The following AKNAD1 variants were observed in gnomAD, a reference collection of about 807,000 sequenced individuals.
AKNAD1 encodes protein AKNAD1.
In AKNAD1, 67 loss-of-function variants were observed where a neutral mutation model predicts 90.8. That is an observed-to-expected ratio of 0.74 (90% confidence interval 0.61 to 0.90). AKNAD1 has a LOEUF of 0.90. Ranked by LOEUF, AKNAD1 falls within the 40% of genes least tolerant of loss-of-function variation. The pLI is 0.00. For synonymous variants in AKNAD1, 327 were observed against 341.4 expected (o/e 0.96, Z 0.46); for missense variants, 957 against 975.4 (o/e 0.98, Z 0.25).
intron 13 of AKNAD1, among the ~76,000 whole-genome samples, chr1:108,822,804 G>T (rs1365522761): frequency 6.6e-6 from 1 of 152,102 alleles, no homozygotes; most frequent in Admixed American, 6.5e-5. Flanking sequence ...ACCCCATTTT[G>T]CTTTGAGCTC....
chr1:108,816,575 C>A lies in AKNAD1; in HGVS notation c.2380-273G>T, dbSNP rs1285955964. Among the ~76,000 whole-genome samples the A allele has an allele frequency of 3.9e-5, 6 of 152,134 alleles. No individual in the cohort carries two copies. In the East Asian group the frequency reaches 5.8e-4, roughly 15 times the overall value. Reference sequence around the variant, plus strand: ...AGCCGCCAGCTGGGCTGTTTCCCTGCCGCAGAGAAAGAGAAAAAAAGAACA... The same window carrying A: ...AGCCGCCAGCTGGGCTGTTTCCCTGACGCAGAGAAAGAGAAAAAAAGAACA... On this transcript the variant is annotated intron_variant, in intron 15 of 15. Coordinates refer to ENST00000370001, the MANE Select transcript of AKNAD1 (RefSeq NM_152763.5).
intron 5 of AKNAD1, among the ~76,000 whole-genome samples, chr1:108,847,448 A>C (rs1461952179): frequency 7.0e-6 from 1 of 143,370 alleles, no homozygotes; most frequent in Middle Eastern, 3.4e-3. Context: ...ACCGTGTCTC[A>C]AAAAAAAAAA....
chr1:108,838,994 T>C (rs555952727), intron 6 of AKNAD1, among the ~76,000 whole-genome samples: 2 of 152,330 alleles, frequency 1.3e-5, no homozygotes, highest in South Asian at 2.1e-4. Flanking sequence ...TTAATTTTTA[T>C]GTATTACATA....
At chr1:108,852,899 A>C in intron 1 of AKNAD1, 132 bp from the exon 2 acceptor site, 4 of 363,810 alleles carry the variant, frequency 1.1e-5, no homozygotes, top group South Asian at 1.4e-4. Context: ...CTCAACCACA[A>C]GCTGACCCAA....
chr1:108,829,388 C>G (rs919476502), intron 10 of AKNAD1, among the ~76,000 whole-genome samples: 1 of 152,184 alleles, frequency 6.6e-6, no homozygotes, highest in African/African-American at 2.4e-5. Context: ...ACCTTGAGTG[C>G]TTAATAAAAA....
At position 108,834,466 on chromosome 1, in the gene AKNAD1, C is replaced by A; in HGVS notation, c.1727G>T (p.Arg576Met). The change falls in exon 9 of 16, where the codon AGG becomes ATG. Residue 576 changes from arginine to methionine, a missense_variant. Coordinates refer to ENST00000370001, the MANE Select transcript of AKNAD1 (RefSeq NM_152763.5). ...CATTACCCCAGAGTTAGAAGACAGC[C>A]TCATGGCCACTTGGTCTGGCTTGTT... ...AQNKPDQVAM[R>M]LSSNSGEDPN... 6.2e-7 allele frequency: 1 copy of A among 1,611,036 alleles called. No homozygotes were observed. Among genetic ancestry groups the A allele is most frequent in the Admixed American group, 1.7e-5 (1 of 59,670 alleles).
intron 11 of AKNAD1, among the ~76,000 whole-genome samples, chr1:108,824,549 G>A (rs1054308073): frequency 2.6e-5 from 4 of 151,672 alleles, no homozygotes; most frequent in African/African-American, 9.7e-5. Context: ...GCCCAGGGTT[G>A]AAGCCTGGCT....
chr1:108,851,513 TGA>T (rs1664861536), intron 2 of AKNAD1, among the ~76,000 whole-genome samples, 157 bp downstream of exon 2: 1 of 152,178 alleles, frequency 6.6e-6, no homozygotes, highest in African/African-American at 2.4e-5. Context: ...GTGAGGACAC[TGA>T]GAGTCGGAGT....
intron 1 of AKNAD1, among the ~76,000 whole-genome samples, chr1:108,856,034 T>G (rs67425757): frequency 0.12 from 18,711 of 151,688 alleles, 1,264 homozygotes; most frequent in Middle Eastern, 0.16. Context: ...AATTTTTTTT[T>G]TAGAGATGGA....
intron 7 of AKNAD1, among the ~76,000 whole-genome samples, chr1:108,836,073 A>G (rs1446566979): frequency 1.3e-5 from 2 of 152,250 alleles, no homozygotes; most frequent in Non-Finnish European, 2.9e-5. Flanking sequence ...TGCCAGCACT[A>G]GACTCTTTCC....
rs763550285 is a variant in AKNAD1, at chr1:108,851,935, C to A, written c.730G>T (p.Gly244Cys). The A allele has an allele frequency of 3.1e-6, 5 of 1,614,056 alleles. No individual in the cohort carries two copies. ...CCTTGGCCGTATTTGAACGTGTTGCCTGAATTTGCTTTTTCAGTCTGCTGT... is the reference window on the plus strand; with the variant it reads ...CCTTGGCCGTATTTGAACGTGTTGCATGAATTTGCTTTTTCAGTCTGCTGT... ...QKQQTEKANS[G>C]NTFKYGQGQV... is the part of the protein sequence containing the mutation. Residue 244 changes from glycine (G) to cysteine (C), a missense_variant, in exon 2 of 16, where the codon GGC becomes TGC. Physicochemically the swap from Gly to Cys is radical, Grantham distance 159 (BLOSUM62 -3). Coordinates refer to ENST00000370001, the MANE Select transcript of AKNAD1 (RefSeq NM_152763.5).
At chr1:108,856,690 A>G (rs951826697) in intron 1 of AKNAD1, among the ~76,000 whole-genome samples, 2 of 149,424 alleles carry the variant, frequency 1.3e-5, no homozygotes, top group African/African-American at 4.9e-5. Context: ...TGGGTGACAG[A>G]GCAAGACCCT....
intron 3 of AKNAD1, 142 bp from the exon 4 acceptor site, chr1:108,849,202 C>G: frequency 1.3e-6 from 1 of 778,940 alleles, no homozygotes; most frequent in South Asian, 2.3e-5. Context: ...TTATCTAGGC[C>G]AGGCACAGTG....
chr1:108,838,818 T>C (rs1364335159), intron 6 of AKNAD1, among the ~76,000 whole-genome samples: 1 of 151,962 alleles, frequency 6.6e-6, no homozygotes, highest in Admixed American at 6.6e-5. Context: ...TCTAGAATAA[T>C]ATAAATTATT....
intron 14 of AKNAD1, chr1:108,817,497 A>ATTTTTTTTTTTTTTTTTT (rs10681740): frequency 5.0e-5 from 3 of 60,342 alleles, no homozygotes; most frequent in African/African-American, 6.8e-5. Flanking sequence ...TTTTTTTTTA[A>ATTTTTTTTTTTTTTTTTT]TTTTTTTTTT....
chr1:108,843,088 G>C (rs954520391), intron 6 of AKNAD1, 46 bp downstream of exon 6: 1 of 1,598,642 alleles, frequency 6.3e-7, no homozygotes, highest in African/African-American at 1.3e-5. Context: ...ACCTGAAGGA[G>C]ATCACCTTTG....
chr1:108,816,054 G>C lies in AKNAD1; in HGVS notation c.*117C>G. The stretch of plus-strand genomic sequence containing the variant: ...GTGTTACCCATTTCTTATGGTTTCT[G>C]TGTTTTCTCTAGAAAGTCATCTTCC... On this transcript the variant is annotated 3_prime_UTR_variant, in exon 16 of 16. Transcript: ENST00000370001. 9.0e-7 allele frequency: 1 copy of C among 1,110,950 alleles called. No homozygotes were observed. Among genetic ancestry groups the C allele is most frequent in the East Asian group, 2.7e-5 (1 of 36,650 alleles). The allele number at this position is 1,110,950 out of a possible 1,614,324, so 68.8% of individuals were successfully genotyped here.
At position 108,834,989 on chromosome 1, in the gene AKNAD1, G is replaced by A; in HGVS notation, c.1604C>T (p.Thr535Ile). Residue 535 changes from threonine (T) to isoleucine (I), a missense_variant, in exon 8 of 16, where the codon ACA (threonine) becomes ATA (isoleucine). By Grantham distance (89) the Thr-to-Ile change is moderately conservative (BLOSUM62 -1). Coordinates refer to ENST00000370001, the MANE Select transcript of AKNAD1 (RefSeq NM_152763.5). ...GGCCTCCTGCGGCCCTCCTTGGGGTGTCCCTGTTACCTCACTCCCACCTGA... is the reference window on the plus strand; with the variant it reads ...GGCCTCCTGCGGCCCTCCTTGGGGTATCCCTGTTACCTCACTCCCACCTGA... The part of the protein sequence containing the change: ...RGSGGSEVTG[T>I]PQGGPQEAPN... 6.4e-7 allele frequency: 1 copy of A among 1,563,472 alleles called. No homozygotes were observed. The highest frequency in any genetic ancestry group is 1.2e-5 in the South Asian group (1 of 84,228).
chr1:108,835,193 C>G (rs1419945122), intron 7 of AKNAD1, 137 bp from the exon 8 acceptor site: 6 of 918,916 alleles, frequency 6.5e-6, no homozygotes, highest in Non-Finnish European at 7.8e-6. Context: ...CTGTCTCCCC[C>G]AGCTCTTTAC....
Sources: gnomAD v4.1 joint callset for allele counts (sites outside exome capture counted in the v4.1 genomes callset) on GRCh38, gnomAD v4.1.1 for gene constraint, MANE v1.5 for transcripts, NCBI Gene and HGNC (gene_info 2026-07-23, HGNC 2026-07-21) for gene names.